Variants in CD109 observed in about 807,000 individuals in gnomAD.
CD109 encodes the protein CD109 molecule, also known as CD109 antigen.
A neutral mutation model predicts 165.8 loss-of-function variants in CD109; 149 were observed. The observed-to-expected ratio is 0.90, with a 90% CI of 0.79 to 1.03. The LOEUF (loss-of-function observed/expected upper bound fraction) is 1.03. Among genes scored for constraint, CD109 ranks in the 50% least tolerant of loss-of-function variants. The pLI is 0.00. For synonymous variants in CD109, 585 were observed against 592.1 expected (o/e 0.99, Z 0.18); for missense variants, 1,712 against 1,677.8 (o/e 1.02, Z -0.36).
intron 2 of CD109, 133 bp from the exon 3 acceptor site, chr6:73,723,118 A>G (rs1772021166): frequency 1.3e-6 from 2 of 1,547,794 alleles, no homozygotes; most frequent in Admixed American, 2.4e-5. Flanking sequence ...TTTAAATGTC[A>G]TTTTGGTTTC....
intron 23 of CD109, among the ~76,000 whole-genome samples, chr6:73,799,855 G>A (rs57799429): frequency 1.4e-5 from 2 of 148,076 alleles, no homozygotes; most frequent in East Asian, 2.0e-4. Context: ...ATTTCCCCCC[G>A]CAATTTTTTT....
intron 9 of CD109, 22 bp from the exon 10 acceptor site, chr6:73,763,554 A>T: frequency 7.4e-7 from 1 of 1,346,840 alleles, no homozygotes; most frequent in Non-Finnish European, 1.0e-6. Context: ...TTGCTTTCTA[A>T]ATTGTGCAAT....
intron 9 of CD109, 61 bp from the exon 10 acceptor site, chr6:73,763,514 TG>T: frequency 1.1e-6 from 1 of 912,312 alleles, no homozygotes; most frequent in African/African-American, 1.6e-5. Flanking sequence ...AGAGATTTGG[TG>T]GATAGAAGCT....
At chr6:73,729,335 A>AGTGT (rs142514181) in intron 3 of CD109, among the ~76,000 whole-genome samples, 6,069 of 148,324 alleles carry the variant, frequency 0.041, 441 homozygotes, top group East Asian at 0.31. Flanking sequence ...ACCACATCAA[A>AGTGT]GTGTGTGTGT....
intron 15 of CD109, among the ~76,000 whole-genome samples, chr6:73,777,283 T>G (rs1173368177): frequency 6.6e-6 from 1 of 152,088 alleles, no homozygotes; most frequent in Non-Finnish European, 1.5e-5. Flanking sequence ...AAAAAAATTT[T>G]TTTTTTCTTG....
intron 32 of CD109, 81 bp downstream of exon 32, chr6:73,820,644 A>T (rs773331817): frequency 2.1e-5 from 18 of 849,126 alleles, no homozygotes; most frequent in African/African-American, 3.5e-5. Flanking sequence ...CACACATTGG[A>T]TTGGTTCTGT....
At position 73,766,996 on chromosome 6, in the gene CD109, G is replaced by A. The variant is rs1054637630; in HGVS notation, c.1483G>A (p.Glu495Lys). Residue 495 changes from glutamate to lysine, a missense_variant, in exon 13 of 33, where the codon GAG (glutamate) becomes AAG (lysine). Glu to Lys is a moderately conservative substitution (Grantham distance 56). Coordinates refer to ENST00000287097, the MANE Select transcript of CD109 (RefSeq NM_133493.5). ...GGTTAGTGGCAACAAACGATTGAAG[G>A]AGTTAAGCTATATGGTAATCTCTTA... ...LVVSGNKRLK[E>K]LSYMVVSRGQ... 1.2e-6 allele frequency: 2 copies of A among 1,612,894 alleles called. No individual in the cohort carries two copies. Among genetic ancestry groups the A allele is most frequent in the African/African-American group, 2.7e-5 (2 of 74,806 alleles).
chr6:73,734,805 G>A lies in CD109; in HGVS notation c.508-1578G>A, dbSNP rs191398432. Among the ~76,000 whole-genome samples, 607 of 152,286 alleles carry A rather than the reference G, an allele frequency of 4.0e-3. 4 individuals are homozygous for A. The highest frequency in any genetic ancestry group is 0.013 in the African/African-American group (559 of 41,554). ...CTTCTAGGCAAAGTTTAGAGGATAA[G>A]TCTAAGGGAAAATATTCAACCCCTG... On this transcript the variant is annotated intron_variant, in intron 4 of 32. Coordinates refer to ENST00000287097, the MANE Select transcript of CD109 (RefSeq NM_133493.5).
rs1562071064 is a variant in CD109, at chr6:73,791,184, C to CATATATATATATATAT, written c.2702-1441_2702-1440insTATATATATATATATA. Among the ~76,000 whole-genome samples, 424 of 50,846 alleles carry CATATATATATATATAT rather than the reference C, an allele frequency of 8.3e-3. 35 individuals carry two copies. The highest frequency in any genetic ancestry group is 0.039 in the African/African-American group (401 of 10,336). 33.4% of individuals were successfully genotyped at this position (50,846 alleles called of 152,430 possible). ...ATATATATATATATATATACACACACACACATACATATATATATATATATA... is the reference window on the plus strand; with the variant it reads ...ATATATATATATATATATACACACACATATATATATATATATACACATACATATATATATATATATA... On this transcript the variant is annotated intron_variant, in intron 22 of 32. Coordinates refer to ENST00000287097, the MANE Select transcript of CD109 (RefSeq NM_133493.5).
intron 5 of CD109, among the ~76,000 whole-genome samples, chr6:73,749,492 T>C (rs1202142193): frequency 6.6e-6 from 1 of 152,080 alleles, no homozygotes; most frequent in African/African-American, 2.4e-5. Flanking sequence ...AAGAGAAAGG[T>C]GGGGAAGTTT....
rs937698411 is a variant in CD109 at position 73,825,951 on chromosome 6, C to T, written c.*2318C>T. 4 of 152,186 alleles carry T rather than the reference C, an allele frequency of 2.6e-5. No individual in the cohort carries two copies. The highest frequency in any genetic ancestry group is 9.7e-5 in the African/African-American group (4 of 41,438). The allele number at this position is 152,186 out of a possible 1,614,324, so 9.4% of individuals were successfully genotyped here. A position where few individuals can be genotyped will look rare whatever the true frequency, so the allele number is the denominator to read the frequency against. On this transcript the variant is annotated 3_prime_UTR_variant, in exon 33 of 33. Coordinates refer to ENST00000287097, the MANE Select transcript of CD109 (RefSeq NM_133493.5). ...CGAGATCACGCCACTGCACTCCAGC[C>T]TGGGGGACAGAGTGAGATTCTGTCT...
At chr6:73,689,826 T>G in the CD109 span, among the ~76,000 whole-genome samples, 1 of 152,196 alleles carries the variant, frequency 6.6e-6, no homozygotes, top group Non-Finnish European at 1.5e-5. Context: ...GAAAGAAAAT[T>G]TATTGTCAAT....
chr6:73,679,693 C>T, the CD109 span, among the ~76,000 whole-genome samples: 8 of 151,138 alleles, frequency 5.3e-5, no homozygotes, highest in African/African-American at 7.3e-5. Context: ...TGGAGTGCAG[C>T]GGCACGATCT....
At position 73,720,678 on chromosome 6, in the gene CD109, A is replaced by T. The variant is rs1157682437; in HGVS notation, c.248-2573A>T. ...TAAAAAAAGAATAAAACATTTTCAG[A>T]GTTAATTTATGTGCACATTAAACCC... On this transcript the variant is annotated intron_variant, in intron 2 of 32. Coordinates refer to ENST00000287097, the MANE Select transcript of CD109 (RefSeq NM_133493.5). Among the ~76,000 whole-genome samples the T allele has an allele frequency of 2.0e-5, 3 of 152,336 alleles. No homozygotes were observed. In the East Asian group the frequency reaches 5.8e-4, roughly 29 times the overall value.
chr6:73,794,341 A>G (rs142083338), intron 23 of CD109, among the ~76,000 whole-genome samples: 55 of 152,268 alleles, frequency 3.6e-4, no homozygotes, highest in African/African-American at 1.2e-3. Context: ...TTTAGAAGCA[A>G]TGGGATATGA....
At chr6:73,803,472 A>G (rs1269046660) in intron 24 of CD109, among the ~76,000 whole-genome samples, 171 bp downstream of exon 24, 1 of 152,210 alleles carries the variant, frequency 6.6e-6, no homozygotes, top group Non-Finnish European at 1.5e-5. Context: ...ATTTTCAAAC[A>G]TTAACAAATC....
At chr6:73,814,944 G>A (rs1449993736) in intron 29 of CD109, 37 bp from the exon 30 acceptor site, 2 of 1,430,094 alleles carry the variant, frequency 1.4e-6, no homozygotes, top group South Asian at 1.7e-5. Context: ...GGAAATTTAT[G>A]TCCAACTTGT....
At chr6:73,800,268 C>T (rs1006153431) in intron 23 of CD109, among the ~76,000 whole-genome samples, 26 of 152,224 alleles carry the variant, frequency 1.7e-4, no homozygotes, top group African/African-American at 6.3e-4. Context: ...ATCAGTTGAC[C>T]GAGATATTCC....
chr6:73,791,136 C>CATATATATATATATAT (rs61429872), intron 22 of CD109, among the ~76,000 whole-genome samples: 3 of 56,330 alleles, frequency 5.3e-5, no homozygotes, highest in South Asian at 8.9e-4. Context: ...TACATACATA[C>CATATATATATATATAT]ATATATATAT....
Sources: gnomAD v4.1 joint callset for allele counts (sites outside exome capture counted in the v4.1 genomes callset) on GRCh38, gnomAD v4.1.1 for gene constraint, MANE v1.5 for transcripts, NCBI Gene and HGNC (gene_info 2026-07-23, HGNC 2026-07-21) for gene names.